The following DNHD1 variants were observed in gnomAD, a reference collection of about 807,000 sequenced individuals.
DNHD1 encodes the protein dynein heavy chain domain-containing protein 1.
DNHD1 carries 383 observed loss-of-function variants against 458.1 expected under a neutral mutation model. The ratio of observed to expected loss-of-function variants is 0.84; its 90% CI spans 0.77 to 0.91. DNHD1 has a LOEUF of 0.91. Ranked by LOEUF, DNHD1 falls within the 40% of genes least tolerant of loss-of-function variation. The pLI is 0.00. For missense variants in DNHD1, 5,336 were observed against 5,866.1 expected (o/e 0.91, Z 2.95); for synonymous variants, 2,203 against 2,376.9 (o/e 0.93, Z 2.13).
intron 7 of DNHD1, among the ~76,000 whole-genome samples, chr11:6,514,047 C>T (rs1852403408): frequency 1.3e-5 from 2 of 152,076 alleles, no homozygotes; most frequent in Admixed American, 6.6e-5. Flanking sequence ...GGGGTTTCAT[C>T]ATGTTAGCCA....
At chr11:6,569,507 G>A (rs193081367) in intron 39 of DNHD1, among the ~76,000 whole-genome samples, 1 of 152,248 alleles carries the variant, frequency 6.6e-6, no homozygotes, top group East Asian at 1.9e-4. Flanking sequence ...AGGGCAAGGT[G>A]CCTGATTTTA....
chr11:6,566,149 G>A, intron 33 of DNHD1, 92 bp from the exon 34 acceptor site: 1 of 1,507,560 alleles, frequency 6.6e-7, no homozygotes, highest in Non-Finnish European at 8.9e-7. Flanking sequence ...ATCAGCCACA[G>A]GGAAGCTGGT....
At chr11:6,535,358 C>A (rs1295047288) in intron 14 of DNHD1, among the ~76,000 whole-genome samples, 2 of 152,128 alleles carry the variant, frequency 1.3e-5, no homozygotes, top group African/African-American at 4.8e-5. Flanking sequence ...AGCAAAGAAA[C>A]CCCAGTAGCA....
Position 6,539,942 on chromosome 11 carries a change from G to A in DNHD1, c.3487G>A (p.Glu1163Lys), listed in dbSNP as rs1201773716. ...ETIRRLQRYW[E>K]ARQLRLLNFI... Reference sequence around the variant, plus strand: ...TATACGGCGGTTGCAGCGGTACTGGGAAGCGCGCCAGCTGCGCCTGCTCAA... The same window carrying A: ...TATACGGCGGTTGCAGCGGTACTGGAAAGCGCGCCAGCTGCGCCTGCTCAA... The change falls in exon 18 of 43, where the codon GAA becomes AAA. Residue 1163 changes from glutamate (E) to lysine (K), a missense_variant. By Grantham distance (56) the Glu-to-Lys change is moderately conservative (BLOSUM62 1). Around this residue, in one of 4 missense-constraint regions of DNHD1, gnomAD observed 3,932 missense variants for 4,365.6 expected, o/e 0.90. Transcript: ENST00000254579. 6.4e-6 allele frequency: 10 copies of A among 1,551,624 alleles called. No homozygotes were observed. The highest frequency in any genetic ancestry group is 8.7e-6 in the Non-Finnish European group (10 of 1,147,002).
At chr11:6,506,482 G>A (rs578143476) in intron 4 of DNHD1, among the ~76,000 whole-genome samples, 5 of 152,098 alleles carry the variant, frequency 3.3e-5, no homozygotes, top group Admixed American at 2.6e-4. Context: ...TGGGAATGTT[G>A]GTCCAAATTT....
intron 12 of DNHD1, among the ~76,000 whole-genome samples, chr11:6,530,038 A>G (rs924560761): frequency 1.3e-5 from 2 of 152,160 alleles, no homozygotes; most frequent in Non-Finnish European, 2.9e-5. Flanking sequence ...GCTATCATCT[A>G]TATCCCCTGC....
At position 6,546,138 on chromosome 11, in the gene DNHD1, T is replaced by A; in HGVS notation, c.5199T>A (p.Gly1733=). The change falls in exon 21 of 43, where the codon GGT becomes GGA. Residue 1733 remains glycine (G), a synonymous_variant. Coordinates refer to ENST00000254579, the MANE Select transcript of DNHD1 (RefSeq NM_144666.3). ...SNYLNGALQG[G]AWLLLEKVHQ... is the part of the protein sequence containing the mutation. ...ATCTGAATGGTGCCCTGCAGGGTGG[T>A]GCCTGGCTGCTGTTGGAGAAAGTTC... The A allele has an allele frequency of 6.4e-7, 1 of 1,551,268 alleles. No homozygotes were observed. Among genetic ancestry groups the A allele is most frequent in the Non-Finnish European group, 8.7e-7 (1 of 1,146,600 alleles).
rs747228920 is a variant in DNHD1 at position 6,564,661 on chromosome 11, G to C, written c.10613G>C (p.Gly3538Ala). 1.3e-6 allele frequency: 2 copies of C among 1,551,704 alleles called. No individual in the cohort carries two copies. Among genetic ancestry groups the C allele is most frequent in the Non-Finnish European group, 1.7e-6 (2 of 1,146,998 alleles). ...KPQAKSAHLA[G>A]LLLRSPTHYS... The stretch of plus-strand genomic sequence containing the variant: ...CAGGCAAAGTCGGCCCACCTGGCAG[G>C]CTTGCTTCTGCGAAGCCCCACACAC... Residue 3538 changes from glycine to alanine, a missense_variant, in exon 32 of 43, where the codon GGC becomes GCC. This residue lies in a region of DNHD1 where 3,932 missense variants were observed against 4,365.6 expected (regional missense o/e 0.90). Coordinates refer to ENST00000254579, the MANE Select transcript of DNHD1 (RefSeq NM_144666.3).
At chr11:6,566,091 T>C (rs1172694531) in intron 33 of DNHD1, 100 bp downstream of exon 33, 12 of 1,465,278 alleles carry the variant, frequency 8.2e-6, no homozygotes, top group African/African-American at 4.3e-5. Flanking sequence ...GTTCCCATCC[T>C]TCATCCCAGG....
chr11:6,561,086 A>G lies in DNHD1; in HGVS notation c.9519+1803A>G, dbSNP rs370007149. On this transcript the variant is annotated intron_variant, in intron 28 of 42. Transcript: ENST00000254579. ...TGATGAGGATTAAACAAGATCTTAC[A>G]TGTCAAGTATTTAAATGTGCTGGCA... Among the ~76,000 whole-genome samples, 5 of 152,320 alleles carry G rather than the reference A, an allele frequency of 3.3e-5. No individual in the cohort carries two copies. The East Asian group carries it at 5.8e-4, about 18-fold the overall frequency.
Position 6,567,203 on chromosome 11 carries a change from T to G in DNHD1, c.11694T>G (p.Asn3898Lys). The G allele has an allele frequency of 6.2e-7, 1 of 1,614,026 alleles. No individual in the cohort carries two copies. Among genetic ancestry groups the G allele is most frequent in the Non-Finnish European group, 8.5e-7 (1 of 1,179,906 alleles). Residue 3898 changes from asparagine to lysine, a missense_variant, in exon 36 of 43, where the codon AAT (asparagine) becomes AAG (lysine). Around this residue, in one of 4 missense-constraint regions of DNHD1, gnomAD observed 695 missense variants for 804.2 expected, o/e 0.86. Coordinates refer to ENST00000254579, the MANE Select transcript of DNHD1 (RefSeq NM_144666.3). The stretch of plus-strand genomic sequence containing the variant: ...ACAGCATGAAGCCACGTGAGATTAA[T>G]CACGGGGAGGACCTGGCCAGCCATC... ...ALDSMKPREI[N>K]HGEDLASHLL...
chr11:6,545,979 G>A lies in DNHD1; in HGVS notation c.5040G>A (p.Val1680=). ...TACTATTATTGGCCCTAGAGGAGGTGGCCTGTGGGACCGTACTGGGTCCTA... is the reference window on the plus strand; with the variant it reads ...TACTATTATTGGCCCTAGAGGAGGTAGCCTGTGGGACCGTACTGGGTCCTA... ...ALVLLLALEE[V]ACGTVLGPNG... Residue 1680 remains valine, a synonymous_variant, in exon 21 of 43, where the codon GTG becomes GTA. Transcript: ENST00000254579. The surrounding 1 kb of genome is among the most constrained non-coding windows in gnomAD (Gnocchi z 4.9). 2 of 1,551,770 alleles carry A rather than the reference G, an allele frequency of 1.3e-6. No individual in the cohort carries two copies. Among genetic ancestry groups the A allele is most frequent in the Non-Finnish European group, 1.7e-6 (2 of 1,147,000 alleles).
chr11:6,502,247 G>A (rs570371299), intron 3 of DNHD1, among the ~76,000 whole-genome samples: 5 of 152,248 alleles, frequency 3.3e-5, no homozygotes, highest in African/African-American at 7.2e-5. Flanking sequence ...TAGAGGTTGG[G>A]TGATGGTAGG....
At chr11:6,502,443 A>G (rs1210291736) in intron 3 of DNHD1, among the ~76,000 whole-genome samples, 1 of 152,246 alleles carries the variant, frequency 6.6e-6, no homozygotes, top group African/African-American at 2.4e-5. Context: ...TGTACACAGT[A>G]TTATGTAATA....
chr11:6,545,302 C>T lies in DNHD1; in HGVS notation c.4363C>T (p.Leu1455=). Residue 1455 remains leucine, a synonymous_variant, in exon 21 of 43, where the codon CTG becomes TTG. Transcript: ENST00000254579. The surrounding 1 kb of genome is among the most constrained non-coding windows in gnomAD (Gnocchi z 4.9). Reference sequence around the variant, plus strand: ...GTGGCTGGCCTCTCTGGAGAAGTGTCTGCGCTTGGCACTGGTGCACATGCT... The same window carrying T: ...GTGGCTGGCCTCTCTGGAGAAGTGTTTGCGCTTGGCACTGGTGCACATGCT... The part of the protein sequence containing the change: ...PKWLASLEKC[L]RLALVHMLQG... 1 of 1,551,762 alleles carries T rather than the reference C, an allele frequency of 6.4e-7. No homozygotes were observed.
Position 6,511,256 on chromosome 11 carries a change from TTAG to T in DNHD1, c.1236-15_1236-13del, listed in dbSNP as rs1852330000. The T allele has an allele frequency of 1.2e-6, 2 of 1,613,686 alleles. No homozygotes were observed. The highest frequency in any genetic ancestry group is 2.2e-5 in the South Asian group (2 of 91,070). On this transcript the variant is annotated splice_polypyrimidine_tract_variant and intron_variant, in intron 6 of 42. Coordinates refer to ENST00000254579, the MANE Select transcript of DNHD1 (RefSeq NM_144666.3). The stretch of plus-strand genomic sequence containing the variant: ...GATTGGGATGCCAGCTCTGACCAGC[TTAG>T]TCCTTGATTCTAGGCTTCTGCAGGA...
intron 10 of DNHD1, among the ~76,000 whole-genome samples, chr11:6,522,295 G>T (rs1390644322): frequency 6.6e-6 from 1 of 152,012 alleles, no homozygotes; most frequent in Non-Finnish European, 1.5e-5. Flanking sequence ...TAGGTTGTCT[G>T]TTTACTCTGT....
rs767106359 is a variant in DNHD1, at chr11:6,557,809, G to A, written c.8514G>A (p.Leu2838=). The change falls in exon 25 of 43, where the codon CTG becomes CTA. Residue 2838 remains leucine, a synonymous_variant. Transcript: ENST00000254579. ...GPNSETPNLY[L]ERQWEKLEEQ... ...ACTCTGAGACCCCCAACTTGTACCT[G>A]GAACGACAGTGGGAGAAGCTAGAGG... 1 of 1,551,378 alleles carries A rather than the reference G, an allele frequency of 6.4e-7. No individual in the cohort carries two copies.
chr11:6,527,220 A>C (rs1208764476), intron 10 of DNHD1, among the ~76,000 whole-genome samples: 1 of 152,066 alleles, frequency 6.6e-6, no homozygotes, highest in Non-Finnish European at 1.5e-5. Flanking sequence ...TCTTTTTCTT[A>C]TATGGAGCAG....
Sources: gnomAD v4.1 joint callset for allele counts (sites outside exome capture counted in the v4.1 genomes callset) on GRCh38, gnomAD v4.1.1 for gene constraint, gnomAD v4.1.1 regional missense constraint, Gnocchi (gnomAD v3.1) non-coding constraint, MANE v1.5 for transcripts, NCBI Gene and HGNC (gene_info 2026-07-23, HGNC 2026-07-21) for gene names.